XPO7: variants seen among roughly 807,000 people sequenced by gnomAD.
The protein encoded by XPO7 is exportin 7.
Under a neutral mutation model 144.3 loss-of-function variants are expected in XPO7, and 21 were observed. That is an observed-to-expected ratio of 0.15 (90% CI 0.10 to 0.21). The LOEUF (loss-of-function observed/expected upper bound fraction) is 0.21. XPO7 is among the 10% of genes least tolerant of loss of function. The pLI, the probability that XPO7 is intolerant of heterozygous loss-of-function variation, is 1.00. For missense variants in XPO7, 808 were observed against 1,325.8 expected, an observed-to-expected ratio of 0.61 and a Z score of 6.06; for synonymous variants, 580 against 499.6, an observed-to-expected ratio of 1.16 and a Z score of -2.15.
At chr8:21,920,089 G>A (rs965340760) in intron 1 of XPO7, among the ~76,000 whole-genome samples, 1 of 151,912 alleles carries the variant, frequency 6.6e-6, no homozygotes, top group Admixed American at 6.5e-5. Context: ...TTCGTCCCCG[G>A]GGGAGGCCTC....
intron 1 of XPO7, among the ~76,000 whole-genome samples, chr8:21,958,525 C>T (rs766148171): frequency 1.3e-5 from 2 of 151,572 alleles, no homozygotes; most frequent in Admixed American, 1.3e-4. Context: ...CTTAGGAACT[C>T]GACATAGCAC....
chr8:21,981,711 TTCTCC>T lies in XPO7; in HGVS notation c.958-16_958-12del, dbSNP rs1336771736. 1.9e-6 allele frequency: 3 copies of T among 1,612,390 alleles called. No individual in the cohort carries two copies. The highest frequency in any genetic ancestry group is 2.5e-6 in the Non-Finnish European group (3 of 1,178,516). ...TTAAGGCACATTTTACATTTTATTT[TTCTCC>T]TCTGCTACTGCCAGAGTTTATCAGA... On this transcript the variant is annotated splice_polypyrimidine_tract_variant and intron_variant, in intron 9 of 27. Transcript: ENST00000252512.
chr8:21,959,461 G>A (rs537784164), intron 1 of XPO7, among the ~76,000 whole-genome samples: 75 of 152,250 alleles, frequency 4.9e-4, no homozygotes, highest in African/African-American at 1.6e-3. Context: ...TACAGTAGAC[G>A]GAGGAGTAGG....
chr8:21,994,261 C>A, intron 19 of XPO7, 102 bp from the exon 20 acceptor site: 2 of 788,390 alleles, frequency 2.5e-6, no homozygotes, highest in South Asian at 3.1e-5. Context: ...ATATGTTGAA[C>A]TGTGAGAGAA....
intron 1 of XPO7, among the ~76,000 whole-genome samples, chr8:21,941,375 C>G (rs952666210): frequency 1.3e-5 from 2 of 152,066 alleles, no homozygotes; most frequent in Non-Finnish European, 2.9e-5. Flanking sequence ...TGGTCTCAAA[C>G]TCCTGGGGTC....
At chr8:21,944,574 A>T (rs1454246973) in intron 1 of XPO7, among the ~76,000 whole-genome samples, 1 of 152,170 alleles carries the variant, frequency 6.6e-6, no homozygotes, top group Non-Finnish European at 1.5e-5. Flanking sequence ...CTCAGAAATA[A>T]TAATAAAATA....
chr8:21,930,640 A>G (rs1027572317), intron 1 of XPO7, among the ~76,000 whole-genome samples: 9 of 152,300 alleles, frequency 5.9e-5, no homozygotes, highest in Middle Eastern at 3.4e-3. Context: ...GAGGAAATCA[A>G]TGTAATGGTA....
At chr8:21,998,133 G>A (rs1189507406) in intron 21 of XPO7, among the ~76,000 whole-genome samples, 1 of 152,196 alleles carries the variant, frequency 6.6e-6, no homozygotes, top group African/African-American at 2.4e-5. Flanking sequence ...ATCAAGAGGC[G>A]ACGGGTAGAA....
chr8:22,004,966 C>G, intron 27 of XPO7, 29 bp from the exon 28 acceptor site: 1 of 1,427,176 alleles, frequency 7.0e-7, no homozygotes, highest in East Asian at 2.5e-5. Context: ...CCACTCTCCT[C>G]CCCCAACCCA....
intron 23 of XPO7, 50 bp from the exon 24 acceptor site, chr8:21,999,486 C>A (rs370254589): frequency 6.2e-7 from 1 of 1,608,714 alleles, no homozygotes; most frequent in Admixed American, 1.7e-5. Context: ...TCCCTGCATG[C>A]TGGAGTGCAT....
chr8:21,987,654 T>C (rs971990014), intron 14 of XPO7, 130 bp from the exon 15 acceptor site: 11 of 997,804 alleles, frequency 1.1e-5, no homozygotes, highest in Non-Finnish European at 1.6e-5. Flanking sequence ...GCTTATCCCT[T>C]CAGTAAAGTC....
At chr8:21,930,400 G>C (rs1176571175) in intron 1 of XPO7, among the ~76,000 whole-genome samples, 1 of 152,120 alleles carries the variant, frequency 6.6e-6, no homozygotes, top group Non-Finnish European at 1.5e-5. Context: ...GCCAATAAGG[G>C]TTATAGAGTG....
At position 21,951,090 on chromosome 8, in the gene XPO7, TTTAATTAA is replaced by T. The variant is rs200902908; in HGVS notation, c.19-15746_19-15739del. On this transcript the variant is annotated intron_variant, in intron 1 of 27. Coordinates refer to ENST00000252512, the MANE Select transcript of XPO7 (RefSeq NM_015024.5). Reference sequence around the variant, plus strand: ...CAGCCTGGGCGACAGAGCGAGTAAATTTAATTAATTAATTAATTAATTAATTAAGGAAG... The same window carrying T: ...CAGCCTGGGCGACAGAGCGAGTAAATTTAATTAATTAATTAATTAAGGAAG... 4.6e-5 allele frequency among the ~76,000 whole-genome samples: 7 copies of T among 151,906 alleles called. 1 individual carries two copies. The highest frequency in any genetic ancestry group is 3.9e-4 in the East Asian group (2 of 5,176).
chr8:21,994,327 TC>T (rs758556231), intron 19 of XPO7, 35 bp from the exon 20 acceptor site: 2 of 1,548,444 alleles, frequency 1.3e-6, no homozygotes, highest in South Asian at 2.3e-5. Flanking sequence ...TTTTGTCTTT[TC>T]TTCTATTTTA....
chr8:21,966,182 CTG>C, intron 1 of XPO7: 1 of 695,928 alleles, frequency 1.4e-6, no homozygotes, highest in Admixed American at 2.2e-5. Flanking sequence ...CTTGTCTTAT[CTG>C]TGAGTGAGCA....
chr8:21,978,670 A>G (rs1812304447), intron 8 of XPO7, among the ~76,000 whole-genome samples: 1 of 152,192 alleles, frequency 6.6e-6, no homozygotes, highest in African/African-American at 2.4e-5. Context: ...GTGGTGGTGC[A>G]TGCCCCTGGG....
At chr8:21,929,597 T>C (rs1810577633) in intron 1 of XPO7, among the ~76,000 whole-genome samples, 1 of 152,230 alleles carries the variant, frequency 6.6e-6, no homozygotes, top group Non-Finnish European at 1.5e-5. Context: ...GAAATCACTT[T>C]TTCCTGGTGC....
chr8:21,990,728 G>T, intron 17 of XPO7, 83 bp from the exon 18 acceptor site: 1 of 1,371,706 alleles, frequency 7.3e-7, no homozygotes. Context: ...GCTTGAAAGG[G>T]CTCAGTAATT....
rs575499064 is a variant in XPO7, at chr8:22,002,710, G to A, written c.2943+438G>A. Among the ~76,000 whole-genome samples, 3 of 152,296 alleles carry A rather than the reference G, an allele frequency of 2.0e-5. 1 individual carries two copies. In the South Asian group the frequency reaches 6.2e-4, roughly 32 times the overall value. ...ATGCTTGCCCTTATTTTATTTGTAT[G>A]TGCCTTGAAGTAACTTACAGAAATA... On this transcript the variant is annotated intron_variant, in intron 25 of 27. Transcript: ENST00000252512.
Sources: allele counts gnomAD v4.1 joint callset (sites outside exome capture counted in the v4.1 genomes callset), GRCh38; gene constraint gnomAD v4.1.1; transcripts MANE v1.5; gene names NCBI Gene and HGNC (gene_info 2026-07-23, HGNC 2026-07-21).